Variants in PHF2 observed in about 807,000 individuals in gnomAD.
PHF2 encodes the protein PHD finger protein 2, also known as lysine-specific demethylase PHF2.
Under a neutral mutation model 120.5 loss-of-function variants are expected in PHF2, and 27 were observed. The ratio of observed to expected loss-of-function variants is 0.22; its 90% CI spans 0.17 to 0.31. The LOEUF (loss-of-function observed/expected upper bound fraction) is 0.31, where lower values mean the gene tolerates loss of function less well. Among genes scored for constraint, PHF2 ranks in the 10% least tolerant of loss-of-function variants. The pLI is 1.00. For synonymous variants in PHF2, 568 were observed against 592.5 expected (o/e 0.96, Z 0.60); for missense variants, 1,024 against 1,434.8 (o/e 0.71, Z 4.63).
intron 1 of PHF2, among the ~76,000 whole-genome samples, chr9:93,600,472 G>A (rs763020326): frequency 9.2e-5 from 14 of 152,190 alleles, no homozygotes; most frequent in South Asian, 4.1e-4. Flanking sequence ...AACATGGGAC[G>A]GTATTGCAGT....
chr9:93,666,144 G>T, intron 16 of PHF2, 84 bp downstream of exon 16: 2 of 1,384,608 alleles, frequency 1.4e-6, no homozygotes, highest in Non-Finnish European at 2.0e-6. Context: ...ACTCCAGGGC[G>T]GTCTCTGGGG....
chr9:93,633,236 A>G (rs944305664), intron 2 of PHF2, among the ~76,000 whole-genome samples: 10 of 152,070 alleles, frequency 6.6e-5, no homozygotes, highest in East Asian at 3.9e-4. Context: ...CCCCGTTCCA[A>G]TATGTCCCTT....
Position 93,662,903 on chromosome 9 carries a change from C to T in PHF2, c.1699-4C>T, listed in dbSNP as rs1210300657. ...CTCTGGGTCACAGCAGCCCTTTTTTCTAGGCCACAAAGAGTGTCCTGAGTG... is the reference window on the plus strand; with the variant it reads ...CTCTGGGTCACAGCAGCCCTTTTTTTTAGGCCACAAAGAGTGTCCTGAGTG... On this transcript the variant is annotated splice_region_variant and splice_polypyrimidine_tract_variant and intron_variant, in intron 12 of 21. Transcript: ENST00000359246. 6.2e-7 allele frequency: 1 copy of T among 1,613,486 alleles called. No homozygotes were observed. The highest frequency in any genetic ancestry group is 1.3e-5 in the African/African-American group (1 of 74,976).
chr9:93,652,278 T>C (rs1335311777), intron 5 of PHF2, among the ~76,000 whole-genome samples: 1 of 148,646 alleles, frequency 6.7e-6, no homozygotes, highest in Non-Finnish European at 1.5e-5. Flanking sequence ...GCACGGGTGC[T>C]GTTGAGCTTG....
intron 1 of PHF2, among the ~76,000 whole-genome samples, chr9:93,623,033 C>T (rs1324467708): frequency 1.3e-5 from 2 of 152,190 alleles, no homozygotes; most frequent in Non-Finnish European, 2.9e-5. Flanking sequence ...TCATCTGCTC[C>T]AGATGCTGCA....
chr9:93,629,690 A>G (rs1825967410), intron 1 of PHF2, among the ~76,000 whole-genome samples: 2 of 152,190 alleles, frequency 1.3e-5, no homozygotes, highest in South Asian at 4.1e-4. Context: ...ACCCTCACCC[A>G]GGCAGGCTTG....
chr9:93,594,845 G>T (rs1159755517), intron 1 of PHF2: 2 of 152,986 alleles, frequency 1.3e-5, no homozygotes, highest in Non-Finnish European at 2.9e-5. Flanking sequence ...TGGTACAAAA[G>T]TAATTGCGGT....
At chr9:93,655,797 G>A (rs1038262247) in intron 7 of PHF2, 137 bp from the exon 8 acceptor site, 12 of 637,394 alleles carry the variant, frequency 1.9e-5, no homozygotes, top group Non-Finnish European at 3.1e-5. Flanking sequence ...GCACCAAGGT[G>A]TAGGCGGGCA....
chr9:93,619,799 G>T (rs948455055), intron 1 of PHF2, among the ~76,000 whole-genome samples: 3 of 152,146 alleles, frequency 2.0e-5, no homozygotes, highest in Non-Finnish European at 4.4e-5. Context: ...CTTAGCCAGG[G>T]TTAAAAAGGG....
Position 93,665,793 on chromosome 9 carries a change from A to G in PHF2, c.2045A>G (p.Asp682Gly). 6.2e-7 allele frequency: 1 copy of G among 1,606,558 alleles called. No individual in the cohort carries two copies. The highest frequency in any genetic ancestry group is 8.5e-7 in the Non-Finnish European group (1 of 1,175,800). The change falls in exon 15 of 22, where the codon GAT (aspartate) becomes GGT (glycine). Residue 682 changes from aspartate (D) to glycine (G), a missense_variant. This residue lies in a region of PHF2 where 677 missense variants were observed against 857.4 expected (regional missense o/e 0.79). Coordinates refer to ENST00000359246, the MANE Select transcript of PHF2 (RefSeq NM_005392.4). ...CGGGATGAGTATGAGTACGTGTCGG[A>G]TGACGGTGAGCTCAAGATCGACGAG... ...PVRDEYEYVSDDGELKIDEFP... is the reference protein window; with the variant it reads ...PVRDEYEYVSGDGELKIDEFP...
In PHF2 at chr9:93,663,435, C is replaced by A. The variant is rs146998826; in HGVS notation, c.1819-82C>A. 117 of 847,252 alleles carry A rather than the reference C, an allele frequency of 1.4e-4. No individual in the cohort carries two copies. In the African/African-American group the frequency reaches 1.7e-3, roughly 12 times the overall value. 52.5% of individuals were successfully genotyped at this position (847,252 alleles called of 1,614,324 possible). ...TCCTTAGTCGTGTTCCCAGTAGCTGCCTCTTCTCACTGACACTAATTGGGG... is the reference window on the plus strand; with the variant it reads ...TCCTTAGTCGTGTTCCCAGTAGCTGACTCTTCTCACTGACACTAATTGGGG... On this transcript the variant is annotated intron_variant, in intron 13 of 21. Coordinates refer to ENST00000359246, the MANE Select transcript of PHF2 (RefSeq NM_005392.4).
chr9:93,604,681 G>A (rs1825507422), intron 1 of PHF2, among the ~76,000 whole-genome samples: 1 of 152,040 alleles, frequency 6.6e-6, no homozygotes, highest in Admixed American at 6.6e-5. Context: ...AGCCAGGATG[G>A]CCTCGATCTC....
intron 7 of PHF2, 61 bp downstream of exon 7, chr9:93,654,636 T>C (rs1826426706): frequency 6.6e-7 from 1 of 1,514,250 alleles, no homozygotes; most frequent in Admixed American, 1.7e-5. Flanking sequence ...TCAAGCTTAC[T>C]GCCCTGTCCC....
rs571794714 is a variant in PHF2 at position 93,639,458 on chromosome 9, G to GT, written c.299+2942dup. Among the ~76,000 whole-genome samples, 52 of 151,286 alleles carry GT rather than the reference G, an allele frequency of 3.4e-4. 1 individual carries two copies. Among genetic ancestry groups the GT allele is most frequent in the Admixed American group, 5.9e-4 (9 of 15,208 alleles). ...CTGAACTAGTTTATTAGTTCTAATAGTTTTTTTTTAGAGGGTTCCTTAGTA... is the reference window on the plus strand; with the variant it reads ...CTGAACTAGTTTATTAGTTCTAATAGTTTTTTTTTTAGAGGGTTCCTTAGTA... On this transcript the variant is annotated intron_variant, in intron 3 of 21. Transcript: ENST00000359246.
chr9:93,609,116 T>C (rs997614013), intron 1 of PHF2, among the ~76,000 whole-genome samples: 1 of 151,186 alleles, frequency 6.6e-6, no homozygotes, highest in African/African-American at 2.4e-5. Context: ...AAATGTGCGA[T>C]ATACGTTTAT....
chr9:93,578,411 G>A (rs1000163363), intron 1 of PHF2, among the ~76,000 whole-genome samples: 1 of 152,222 alleles, frequency 6.6e-6, no homozygotes, highest in East Asian at 1.9e-4. Context: ...GTGAGTGAGA[G>A]CCTCTAAGGC....
At chr9:93,669,292 C>A (rs1383843244) in intron 17 of PHF2, among the ~76,000 whole-genome samples, 1 of 152,210 alleles carries the variant, frequency 6.6e-6, no homozygotes, top group Non-Finnish European at 1.5e-5. Context: ...CCAGAGGATG[C>A]AGGGCAAGCT....
chr9:93,599,111 C>G (rs1825387442), intron 1 of PHF2, among the ~76,000 whole-genome samples: 1 of 152,238 alleles, frequency 6.6e-6, no homozygotes, highest in Non-Finnish European at 1.5e-5. Context: ...GTGTGGCTTT[C>G]ATGGTATCCC....
At chr9:93,608,731 T>C (rs1427538988) in intron 1 of PHF2, among the ~76,000 whole-genome samples, 5 of 152,216 alleles carry the variant, frequency 3.3e-5, no homozygotes, top group Admixed American at 3.3e-4. Context: ...GGCATAGTGT[T>C]GTTTCATCCT....
Sources: gnomAD v4.1 joint callset for allele counts (sites outside exome capture counted in the v4.1 genomes callset) on GRCh38, gnomAD v4.1.1 for gene constraint, gnomAD v4.1.1 regional missense constraint, MANE v1.5 for transcripts, NCBI Gene and HGNC (gene_info 2026-07-23, HGNC 2026-07-21) for gene names.